DCLK1: variants seen among roughly 807,000 people sequenced by gnomAD.
DCLK1 encodes the protein serine/threonine-protein kinase DCLK1.
In DCLK1, 16 loss-of-function variants were observed where a neutral mutation model predicts 86.2. The observed-to-expected ratio is 0.19, with a 90% CI of 0.13 to 0.28. DCLK1 has a LOEUF of 0.28. Among genes scored for constraint, DCLK1 ranks in the 10% least tolerant of loss-of-function variants. DCLK1 has a pLI of 1.00. For missense variants in DCLK1, 590 were observed against 940.2 expected (o/e 0.63, Z 4.87); for synonymous variants, 369 against 370.5 (o/e 1.00, Z 0.05).
At chr13:35,970,816 C>CAGATATCTTG (rs1294428295) in intron 3 of DCLK1, among the ~76,000 whole-genome samples, 2 of 152,166 alleles carry the variant, frequency 1.3e-5, no homozygotes, top group Non-Finnish European at 2.9e-5. Context: ...ATTAATTTCA[C>CAGATATCTTG]AGATATCTTG....
chr13:36,089,039 C>A (rs539932742), intron 3 of DCLK1, among the ~76,000 whole-genome samples: 105 of 152,220 alleles, frequency 6.9e-4, no homozygotes, highest in African/African-American at 2.4e-3. Flanking sequence ...TAAAAAAATT[C>A]TCTCAATCTA....
At chr13:36,124,785 A>T (rs1886110806) in intron 2 of DCLK1, among the ~76,000 whole-genome samples, 1 of 152,146 alleles carries the variant, frequency 6.6e-6, no homozygotes, top group Non-Finnish European at 1.5e-5. Flanking sequence ...CCTTTCCCAG[A>T]TTCTTTTGTG....
intron 3 of DCLK1, among the ~76,000 whole-genome samples, chr13:35,974,191 C>G (rs1566628041): frequency 6.6e-6 from 1 of 152,118 alleles, no homozygotes; most frequent in African/African-American, 2.4e-5. Context: ...CTAATTGAGC[C>G]CCCCTCAGAT....
At chr13:36,080,170 T>G (rs1884370355) in intron 3 of DCLK1, among the ~76,000 whole-genome samples, 1 of 152,154 alleles carries the variant, frequency 6.6e-6, no homozygotes, top group African/African-American at 2.4e-5. Flanking sequence ...AGCTGGTATT[T>G]GAGGTAACTG....
At chr13:35,966,650 G>A (rs935251431) in intron 3 of DCLK1, among the ~76,000 whole-genome samples, 25 of 151,952 alleles carry the variant, frequency 1.6e-4, no homozygotes, top group African/African-American at 5.3e-4. Context: ...GATTGCAGGC[G>A]CGCACCGCCA....
At chr13:35,882,146 C>A (rs1376784564) in intron 4 of DCLK1, among the ~76,000 whole-genome samples, 1 of 152,134 alleles carries the variant, frequency 6.6e-6, no homozygotes, top group Admixed American at 6.5e-5. Flanking sequence ...GAATGGAATC[C>A]GTTCCTTGTC....
chr13:35,825,866 G>A (rs1215786187), intron 10 of DCLK1, among the ~76,000 whole-genome samples: 1 of 151,188 alleles, frequency 6.6e-6, no homozygotes, highest in African/African-American at 2.4e-5. Context: ...AGGCTAGAGT[G>A]CAATGGCGCG....
intron 3 of DCLK1, among the ~76,000 whole-genome samples, chr13:36,012,315 C>T (rs537249083): frequency 7.2e-4 from 109 of 150,840 alleles, no homozygotes; most frequent in Non-Finnish European, 1.1e-3. Flanking sequence ...GCAGTTTCTT[C>T]CTAGTCTCGA....
At chr13:36,026,198 G>A (rs933617724) in intron 3 of DCLK1, among the ~76,000 whole-genome samples, 2 of 152,188 alleles carry the variant, frequency 1.3e-5, no homozygotes, top group Admixed American at 6.5e-5. Flanking sequence ...CAGGAAATGT[G>A]TTGATCTGGC....
intron 16 of DCLK1, among the ~76,000 whole-genome samples, chr13:35,784,006 C>T (rs1056709575): frequency 3.3e-5 from 5 of 152,176 alleles, no homozygotes; most frequent in African/African-American, 4.8e-5. Flanking sequence ...CTTATAATTA[C>T]GTTCTTTATG....
chr13:35,956,321 T>C (rs181676525), intron 3 of DCLK1, among the ~76,000 whole-genome samples: 1 of 152,298 alleles, frequency 6.6e-6, no homozygotes, highest in East Asian at 1.9e-4. Context: ...AGATCAAACT[T>C]ATATTCTATT....
intron 4 of DCLK1, among the ~76,000 whole-genome samples, chr13:35,893,188 C>T (rs1317274691): frequency 2.0e-5 from 3 of 152,152 alleles, no homozygotes; most frequent in South Asian, 2.1e-4. Flanking sequence ...CTACTGGGTT[C>T]GGGGCAAGGA....
intron 15 of DCLK1, among the ~76,000 whole-genome samples, chr13:35,794,505 C>T (rs1263096978): frequency 6.6e-6 from 1 of 152,220 alleles, no homozygotes; most frequent in Non-Finnish European, 1.5e-5. Flanking sequence ...GTGCTGGCTC[C>T]TTTTGCACGA....
At position 35,834,967 on chromosome 13, in the gene DCLK1, C is replaced by T. The variant is rs144567610; in HGVS notation, c.1229+1066G>A. Reference sequence around the variant, plus strand: ...AGAGCCGCAAGGGGTGCCAGGAGCACATAAGTGACTATTGGCCAAATGAAG... The same window carrying T: ...AGAGCCGCAAGGGGTGCCAGGAGCATATAAGTGACTATTGGCCAAATGAAG... On this transcript the variant is annotated intron_variant, in intron 8 of 16. Coordinates refer to ENST00000360631, the MANE Select transcript of DCLK1 (RefSeq NM_001330071.2). Among the ~76,000 whole-genome samples the T allele has an allele frequency of 4.3e-3, 656 of 152,288 alleles. 1 individual carries two copies. Among genetic ancestry groups the T allele is most frequent in the Non-Finnish European group, 7.3e-3 (498 of 68,030 alleles).
At chr13:35,868,518 G>C (rs1006165005) in intron 5 of DCLK1, among the ~76,000 whole-genome samples, 67 of 152,198 alleles carry the variant, frequency 4.4e-4, no homozygotes, top group African/African-American at 1.4e-3. Flanking sequence ...AGATAGGAAA[G>C]GTTAAGTAAA....
At chr13:36,028,909 T>TA (rs777279201) in intron 3 of DCLK1, among the ~76,000 whole-genome samples, 1 of 152,198 alleles carries the variant, frequency 6.6e-6, no homozygotes, top group Non-Finnish European at 1.5e-5. Flanking sequence ...CTGTATGATC[T>TA]AAAAAGGAGA....
In DCLK1 at chr13:35,827,771, T is replaced by TCATCTTCA; in HGVS notation, c.1288-18_1288-17insTGAAGATG. ...CATGTGCTCCTGTCCAAAGGAAAAG[T>TCATCTTCA]TATCTTCATCAGCTTCCATAAAACA... On this transcript the variant is annotated splice_polypyrimidine_tract_variant and intron_variant, in intron 9 of 16. Transcript: ENST00000360631. 1 of 1,612,958 alleles carries TCATCTTCA rather than the reference T, an allele frequency of 6.2e-7. No individual in the cohort carries two copies. Among genetic ancestry groups the TCATCTTCA allele is most frequent in the African/African-American group, 1.3e-5 (1 of 75,048 alleles).
intron 10 of DCLK1, among the ~76,000 whole-genome samples, chr13:35,824,726 A>T (rs2087480327): frequency 6.6e-6 from 1 of 152,128 alleles, no homozygotes; most frequent in Admixed American, 6.5e-5. Context: ...TCTCTCTTCA[A>T]GAAATCACCA....
intron 4 of DCLK1, among the ~76,000 whole-genome samples, chr13:35,935,253 G>A (rs1016355285): frequency 6.6e-6 from 1 of 152,210 alleles, no homozygotes; most frequent in African/African-American, 2.4e-5. Flanking sequence ...GACTACAACT[G>A]CCCTAGAATA....
Sources: allele counts gnomAD v4.1 joint callset (sites outside exome capture counted in the v4.1 genomes callset), GRCh38; gene constraint gnomAD v4.1.1; transcripts MANE v1.5; gene names NCBI Gene and HGNC (gene_info 2026-07-23, HGNC 2026-07-21).